SPAG16: variants seen among roughly 807,000 people sequenced by gnomAD.
SPAG16 encodes sperm associated antigen 16, also known as sperm-associated antigen 16 protein.
SPAG16 carries 86 observed loss-of-function variants against 80.4 expected under a neutral mutation model. The observed-to-expected ratio is 1.07, with a 90% CI of 0.90 to 1.28. The LOEUF is 1.28. SPAG16 is among the 50% of genes most tolerant of loss of function. The pLI, the probability that SPAG16 is intolerant of heterozygous loss-of-function variation, is 0.00. For synonymous variants in SPAG16, 294 were observed against 265.9 expected (o/e 1.11, Z -1.03); for missense variants, 870 against 765.3 (o/e 1.14, Z -1.61).
intron 11 of SPAG16, among the ~76,000 whole-genome samples, chr2:213,904,410 T>C (rs925232047): frequency 2.6e-5 from 4 of 152,020 alleles, no homozygotes; most frequent in African/African-American, 7.3e-5. Context: ...AAACCCATAA[T>C]GAGACCATCA....
intron 10 of SPAG16, among the ~76,000 whole-genome samples, chr2:213,796,103 T>C (rs1575160038): frequency 6.6e-6 from 1 of 152,176 alleles, no homozygotes; most frequent in East Asian, 1.9e-4. Context: ...CCAAAATGGT[T>C]AAAAATTTTT....
intron 10 of SPAG16, among the ~76,000 whole-genome samples, chr2:213,521,833 C>G (rs2075683966): frequency 6.6e-6 from 1 of 152,204 alleles, no homozygotes; most frequent in Non-Finnish European, 1.5e-5. Flanking sequence ...GTTACCATTA[C>G]AAATGGTAAA....
intron 10 of SPAG16, among the ~76,000 whole-genome samples, chr2:213,566,658 A>C (rs1242552012): frequency 6.6e-6 from 1 of 152,214 alleles, no homozygotes; most frequent in Non-Finnish European, 1.5e-5. Flanking sequence ...AAAATCAATT[A>C]GAATTTTTAA....
At chr2:214,067,643 A>C (rs1157946446) in intron 13 of SPAG16, among the ~76,000 whole-genome samples, 1 of 152,200 alleles carries the variant, frequency 6.6e-6, no homozygotes, top group Non-Finnish European at 1.5e-5. Context: ...TGAAAAAAAA[A>C]AAACTAAAAT....
chr2:213,794,064 A>G (rs764866052), intron 10 of SPAG16, among the ~76,000 whole-genome samples: 3 of 152,170 alleles, frequency 2.0e-5, no homozygotes, highest in East Asian at 3.8e-4. Context: ...TACAAAGTAT[A>G]ATAAAGACTG....
In SPAG16 at chr2:213,741,361, A is replaced by G. The variant is rs534932111; in HGVS notation, c.1071-121124A>G. Among the ~76,000 whole-genome samples, 34 of 152,262 alleles carry G rather than the reference A, an allele frequency of 2.2e-4. No individual in the cohort carries two copies. The South Asian group carries it at 4.1e-3, about 19-fold the overall frequency. On this transcript the variant is annotated intron_variant, in intron 10 of 15. Transcript: ENST00000331683. Reference sequence around the variant, plus strand: ...TCCTATATGTTGGAATTTGAATTAAATCCAATCAGTATTCTCTACCTCCCC... The same window carrying G: ...TCCTATATGTTGGAATTTGAATTAAGTCCAATCAGTATTCTCTACCTCCCC...
At chr2:213,380,510 ACATACACCACTTT>A (rs2067116625) in intron 9 of SPAG16, among the ~76,000 whole-genome samples, 1 of 152,162 alleles carries the variant, frequency 6.6e-6, no homozygotes, top group Non-Finnish European at 1.5e-5. Context: ...GCCCGATCAC[ACATACACCACTTT>A]CATATGATGA....
At chr2:213,529,919 G>A (rs936312982) in intron 10 of SPAG16, among the ~76,000 whole-genome samples, 2 of 152,026 alleles carry the variant, frequency 1.3e-5, no homozygotes, top group African/African-American at 4.8e-5. Context: ...TAAAAAGTAA[G>A]ACTCAAATAC....
At chr2:214,330,457 T>G (rs1285400050) in intron 15 of SPAG16, among the ~76,000 whole-genome samples, 1 of 152,160 alleles carries the variant, frequency 6.6e-6, no homozygotes, top group Non-Finnish European at 1.5e-5. Context: ...TACTCTGAGA[T>G]GAAGATCTGC....
Position 213,449,763 on chromosome 2 carries a change from C to T in SPAG16, c.943-40200C>T, listed in dbSNP as rs544085936. Among the ~76,000 whole-genome samples, 59 of 151,948 alleles carry T rather than the reference C, an allele frequency of 3.9e-4. No homozygotes were observed. The South Asian group carries it at 0.011, about 29-fold the overall frequency. On this transcript the variant is annotated intron_variant, in intron 9 of 15. Transcript: ENST00000331683. ...ATGCACAGTTTACTCATGGGAGATA[C>T]CTGCACATACACCCTGTGAACCTAA...
At chr2:213,294,992 C>A (rs770435905) in intron 1 of SPAG16, among the ~76,000 whole-genome samples, 2 of 152,062 alleles carry the variant, frequency 1.3e-5, no homozygotes. Flanking sequence ...TAGAACAGTT[C>A]CTGTCTCCTA....
At chr2:214,404,324 G>A (rs866055245) in intron 15 of SPAG16, among the ~76,000 whole-genome samples, 13 of 152,142 alleles carry the variant, frequency 8.5e-5, no homozygotes, top group Non-Finnish European at 1.2e-4. Context: ...TTCCTACCTT[G>A]GCCAAGTCAC....
At chr2:213,837,178 A>G (rs2074131230) in intron 10 of SPAG16, among the ~76,000 whole-genome samples, 1 of 152,208 alleles carries the variant, frequency 6.6e-6, no homozygotes, top group Non-Finnish European at 1.5e-5. Flanking sequence ...AAATATATTT[A>G]TGTATCCATA....
intron 15 of SPAG16, among the ~76,000 whole-genome samples, chr2:214,245,895 G>C (rs77818747): frequency 1.3e-5 from 2 of 152,084 alleles, no homozygotes; most frequent in East Asian, 3.8e-4. Flanking sequence ...GGCCTAAAAC[G>C]TACGTTTTGA....
At chr2:214,404,569 G>T (rs1701890388) in intron 15 of SPAG16, among the ~76,000 whole-genome samples, 7 of 152,106 alleles carry the variant, frequency 4.6e-5, no homozygotes, top group Admixed American at 4.6e-4. Context: ...AGATCATTTT[G>T]AGAATCATTT....
chr2:213,923,166 T>C lies in SPAG16; in HGVS notation c.1215-6794T>C, dbSNP rs75002962. Among the ~76,000 whole-genome samples the C allele has an allele frequency of 5.6e-3, 857 of 151,712 alleles. 13 individuals carry two copies. Among genetic ancestry groups the C allele is most frequent in the East Asian group, 0.042 (213 of 5,090 alleles). On this transcript the variant is annotated intron_variant, in intron 11 of 15. Transcript: ENST00000331683. ...GTTGGGCCAGCAGCCCTATCAGATGTGGCTCACCTGTCCACCAGTGGCAGG... is the reference window on the plus strand; with the variant it reads ...GTTGGGCCAGCAGCCCTATCAGATGCGGCTCACCTGTCCACCAGTGGCAGG...
chr2:214,310,811 T>C (rs1005234122), intron 15 of SPAG16, among the ~76,000 whole-genome samples: 2 of 152,170 alleles, frequency 1.3e-5, no homozygotes, highest in Non-Finnish European at 2.9e-5. Context: ...TGGCTACTGA[T>C]GAAATGACCT....
At chr2:214,126,286 G>A (rs940603189) in intron 14 of SPAG16, among the ~76,000 whole-genome samples, 30 of 151,198 alleles carry the variant, frequency 2.0e-4, no homozygotes, top group African/African-American at 6.8e-4. Flanking sequence ...TTAGGGAAGA[G>A]GAGTTCTGGT....
chr2:213,614,655 C>A (rs995076508), intron 10 of SPAG16, among the ~76,000 whole-genome samples: 1 of 152,202 alleles, frequency 6.6e-6, no homozygotes. Context: ...AATAGTCCCA[C>A]ATAGGTCATT....
Sources: gnomAD v4.1 joint callset for allele counts (sites outside exome capture counted in the v4.1 genomes callset) on GRCh38, gnomAD v4.1.1 for gene constraint, MANE v1.5 for transcripts, NCBI Gene and HGNC (gene_info 2026-07-23, HGNC 2026-07-21) for gene names.